Variants in PCDH15 observed in about 807,000 individuals in gnomAD.
The protein encoded by PCDH15 is protocadherin related 15, also known as protocadherin-15.
In PCDH15, 129 loss-of-function variants were observed where a neutral mutation model predicts 178.5. The ratio of observed to expected loss-of-function variants is 0.72; its 90% CI spans 0.63 to 0.84. The LOEUF is 0.84. Ranked by LOEUF, PCDH15 falls within the 40% of genes least tolerant of loss-of-function variation. The pLI is 0.00. For synonymous variants in PCDH15, 800 were observed against 732.0 expected (o/e 1.09, Z -1.50); for missense variants, 2,230 against 2,099.9 (o/e 1.06, Z -1.21).
chr10:54,377,176 A>T lies in PCDH15; in HGVS notation c.318+1606T>A, dbSNP rs529811833. Among the ~76,000 whole-genome samples, 11 of 152,226 alleles carry T rather than the reference A, an allele frequency of 7.2e-5. No individual in the cohort carries two copies. The East Asian group carries it at 2.1e-3, about 29-fold the overall frequency. On this transcript the variant is annotated intron_variant, in intron 4 of 37. Transcript: ENST00000644397. ...TCAACACACATAAATGCTTGAAATA[A>T]AATGTGGCAGAATAAACATTAAATG...
At position 55,148,278 on chromosome 10, in the gene PCDH15, T is replaced by C. The variant is rs1030258147; in HGVS notation, c.-80+18298A>G. ...TGAGGTATTAATATTTATGAACAGA[T>C]TGAGATTTCCTCAAAATGTAGTAAG... On this transcript the variant is annotated intron_variant, in intron 2 of 5. Transcript: ENST00000458638. Among the ~76,000 whole-genome samples the C allele has an allele frequency of 5.9e-5, 9 of 151,830 alleles. 1 individual carries two copies. Among genetic ancestry groups the C allele is most frequent in the African/African-American group, 1.7e-4 (7 of 41,406 alleles).
intron 21 of PCDH15, among the ~76,000 whole-genome samples, chr10:53,970,207 A>G (rs1361516054): frequency 6.6e-6 from 1 of 152,210 alleles, no homozygotes; most frequent in East Asian, 1.9e-4. Flanking sequence ...AGGGGTTGCA[A>G]TCCTAGTCTC....
chr10:54,458,439 C>T (rs1219152255), intron 3 of PCDH15, among the ~76,000 whole-genome samples: 1 of 152,114 alleles, frequency 6.6e-6, no homozygotes, highest in Non-Finnish European at 1.5e-5. Context: ...TCTCTCCATA[C>T]AATTCACTCA....
intron 1 of PCDH15, among the ~76,000 whole-genome samples, chr10:54,731,337 C>G (rs75147284): frequency 0.036 from 5,398 of 149,960 alleles, 335 homozygotes; most frequent in African/African-American, 0.13. Flanking sequence ...AGTGCAACCA[C>G]TATGAAAAAA....
chr10:54,696,477 A>G lies in PCDH15; in HGVS notation c.-28-32187T>C, dbSNP rs544748365. Among the ~76,000 whole-genome samples, 5 of 152,270 alleles carry G rather than the reference A, an allele frequency of 3.3e-5. No homozygotes were observed. The South Asian group carries it at 6.2e-4, about 19-fold the overall frequency. ...GACAACAAAGAATTTAGAATATTAC[A>G]TAAGTTTAGTTGACAAAGCAGTGGC... On this transcript the variant is annotated intron_variant, in intron 1 of 37. Coordinates refer to ENST00000644397, the MANE Select transcript of PCDH15 (RefSeq NM_001384140.1).
At chr10:54,551,154 CAA>C (rs57337778) in intron 2 of PCDH15, among the ~76,000 whole-genome samples, 1,023 of 52,334 alleles carry the variant, frequency 0.02, 9 homozygotes, top group African/African-American at 0.075. Flanking sequence ...GACTCTGTCT[CAA>C]AAAAAAAAAA....
intron 16 of PCDH15, among the ~76,000 whole-genome samples, chr10:54,083,044 C>T (rs1020511196): frequency 2.6e-5 from 4 of 151,758 alleles, no homozygotes; most frequent in Non-Finnish European, 4.4e-5. Context: ...AAATCAAAAC[C>T]CACAACCAAG....
chr10:54,518,601 G>T (rs2082482239), intron 3 of PCDH15, among the ~76,000 whole-genome samples: 2 of 152,172 alleles, frequency 1.3e-5, no homozygotes, highest in African/African-American at 4.8e-5. Flanking sequence ...TCCAGGACAA[G>T]ACGGATTCAC....
At chr10:54,901,193 A>C (rs1454472) in intron 2 of PCDH15, among the ~76,000 whole-genome samples, 148,033 of 152,108 alleles carry the variant, frequency 0.97, 72,164 homozygotes, top group East Asian at 1. Flanking sequence ...TGTATGCCAG[A>C]TACTCAGGAG....
chr10:55,060,394 A>G (rs1591868036), intron 2 of PCDH15, among the ~76,000 whole-genome samples: 1 of 152,098 alleles, frequency 6.6e-6, no homozygotes, highest in African/African-American at 2.4e-5. Context: ...TTGCTCACTT[A>G]CTATCTGCAT....
chr10:54,557,125 G>A (rs1023681051), intron 2 of PCDH15, among the ~76,000 whole-genome samples: 1 of 151,956 alleles, frequency 6.6e-6, no homozygotes, highest in Non-Finnish European at 1.5e-5. Flanking sequence ...CAGACTAGTG[G>A]GTAATTACAG....
At chr10:54,587,491 T>A (rs895903548) in intron 2 of PCDH15, among the ~76,000 whole-genome samples, 21 of 150,978 alleles carry the variant, frequency 1.4e-4, no homozygotes, top group Non-Finnish European at 2.9e-4. Context: ...AGGATGAAGA[T>A]GTATCAGGCT....
At chr10:54,669,968 C>T (rs1172267084) in intron 1 of PCDH15, among the ~76,000 whole-genome samples, 11 of 151,906 alleles carry the variant, frequency 7.2e-5, no homozygotes, top group Non-Finnish European at 1.5e-4. Context: ...GTAGAAGAAT[C>T]GCTTGAACCC....
intron 2 of PCDH15, among the ~76,000 whole-genome samples, chr10:54,959,335 A>C (rs1226842726): frequency 6.6e-6 from 1 of 151,984 alleles, no homozygotes; most frequent in Non-Finnish European, 1.5e-5. Context: ...GAAATTACAC[A>C]GAAGAATGCC....
At chr10:54,657,467 A>C (rs188216133) in intron 2 of PCDH15, among the ~76,000 whole-genome samples, 1 of 152,290 alleles carries the variant, frequency 6.6e-6, no homozygotes, top group African/African-American at 2.4e-5. Context: ...GTTCTCAGAA[A>C]GGCACAGGGC....
At chr10:55,195,319 G>A (rs1198090943) in intron 1 of PCDH15, among the ~76,000 whole-genome samples, 1 of 150,870 alleles carries the variant, frequency 6.6e-6, no homozygotes, top group Non-Finnish European at 1.5e-5. Flanking sequence ...CACTGCGCCC[G>A]GCCAGAAATT....
chr10:55,437,884 C>A (rs1232004093), intron 2 of PCDH15, among the ~76,000 whole-genome samples: 1 of 123,318 alleles, frequency 8.1e-6, no homozygotes, highest in East Asian at 2.3e-4. Context: ...GTTTCCCAGG[C>A]GGGAGTGCAA....
intron 2 of PCDH15, among the ~76,000 whole-genome samples, chr10:55,386,616 G>A (rs1451175215): frequency 2.6e-5 from 4 of 151,998 alleles, no homozygotes; most frequent in African/African-American, 9.7e-5. Context: ...CATGGTCATC[G>A]AAGGGCAATT....
At chr10:54,209,895 A>T (rs1325046901) in intron 10 of PCDH15, among the ~76,000 whole-genome samples, 1 of 152,076 alleles carries the variant, frequency 6.6e-6, no homozygotes, top group African/African-American at 2.4e-5. Context: ...GACATTAGTG[A>T]TTCATGTAGG....
Sources: allele counts gnomAD v4.1 joint callset (sites outside exome capture counted in the v4.1 genomes callset), GRCh38; gene constraint gnomAD v4.1.1; transcripts MANE v1.5; gene names NCBI Gene and HGNC (gene_info 2026-07-23, HGNC 2026-07-21).